The following PEAK1 variants were observed in gnomAD, a reference collection of about 807,000 sequenced individuals.
The protein encoded by PEAK1 is inactive tyrosine-protein kinase PEAK1.
PEAK1 carries 54 observed loss-of-function variants against 124.7 expected under a neutral mutation model. The observed-to-expected ratio is 0.43, with a 90% CI of 0.35 to 0.54. PEAK1 has a LOEUF of 0.54. PEAK1 is among the 20% of genes least tolerant of loss of function. PEAK1 has a pLI of 0.01. For missense variants in PEAK1, 2,046 were observed against 2,134.5 expected (o/e 0.96, Z 0.82); for synonymous variants, 719 against 760.0 (o/e 0.95, Z 0.89).
chr15:77,147,750 C>T (rs2054275618), intron 8 of PEAK1, among the ~76,000 whole-genome samples: 1 of 152,074 alleles, frequency 6.6e-6, no homozygotes, highest in African/African-American at 2.4e-5. Context: ...TGAGGGGCAA[C>T]CTTCTTAAGT....
intron 9 of PEAK1, among the ~76,000 whole-genome samples, chr15:77,118,128 C>T (rs992451443): frequency 4.6e-5 from 7 of 152,106 alleles, no homozygotes; most frequent in African/African-American, 1.4e-4. Context: ...TTTTATAATA[C>T]ATAGACAGGT....
chr15:77,398,484 C>T (rs921145585), intron 1 of PEAK1, among the ~76,000 whole-genome samples: 1 of 152,122 alleles, frequency 6.6e-6, no homozygotes, highest in African/African-American at 2.4e-5. Flanking sequence ...CAATGTGATA[C>T]ACCATATTAA....
In PEAK1 at chr15:77,286,242, G is replaced by C. The variant is rs571710487; in HGVS notation, c.-521+181C>G. ...GGTCTCAGAGACTGTTATGATTTCT[G>C]TTCTTTTGCATTAGTTGCAAATAGT... On this transcript the variant is annotated intron_variant, in intron 3 of 9. Coordinates refer to ENST00000682557, the MANE Select transcript of PEAK1 (RefSeq NM_001385026.1). Among the ~76,000 whole-genome samples, 12 of 152,232 alleles carry C rather than the reference G, an allele frequency of 7.9e-5. No individual in the cohort carries two copies. In the South Asian group the frequency reaches 2.5e-3, roughly 32 times the overall value.
intron 6 of PEAK1, among the ~76,000 whole-genome samples, chr15:77,233,009 A>C (rs1389626865): frequency 6.6e-6 from 1 of 152,130 alleles, no homozygotes; most frequent in Non-Finnish European, 1.5e-5. Context: ...GGCCTCCCAA[A>C]GTACTGGGAT....
At chr15:77,173,800 G>C (rs2056670866) in intron 7 of PEAK1, among the ~76,000 whole-genome samples, 1 of 152,104 alleles carries the variant, frequency 6.6e-6, no homozygotes, top group East Asian at 1.9e-4. Context: ...GTCTTTCCCA[G>C]CCAGCTGGCA....
At chr15:77,393,320 C>G (rs1342461353) in intron 1 of PEAK1, among the ~76,000 whole-genome samples, 1 of 152,206 alleles carries the variant, frequency 6.6e-6, no homozygotes, top group Non-Finnish European at 1.5e-5. Context: ...TTGAACTCCA[C>G]TCCCCACACT....
intron 6 of PEAK1, among the ~76,000 whole-genome samples, chr15:77,189,825 G>C (rs532601967): frequency 2.4e-4 from 36 of 152,300 alleles, no homozygotes; most frequent in African/African-American, 8.7e-4. Flanking sequence ...CAACCTCAGA[G>C]CCAACTGCCA....
intron 5 of PEAK1, among the ~76,000 whole-genome samples, chr15:77,265,366 G>C (rs549321937): frequency 1.6e-4 from 25 of 152,078 alleles, no homozygotes; most frequent in African/African-American, 5.3e-4. Flanking sequence ...TCTGACAAAG[G>C]GCTAATATCC....
intron 2 of PEAK1, among the ~76,000 whole-genome samples, chr15:77,321,897 A>T (rs1284267453): frequency 6.6e-6 from 1 of 152,090 alleles, no homozygotes; most frequent in Non-Finnish European, 1.5e-5. Context: ...CTCTTCAGCA[A>T]ATGTAAAAGA....
chr15:77,418,924 G>A (rs1595899207), intron 1 of PEAK1: 1 of 985,364 alleles, frequency 1.0e-6, no homozygotes. Flanking sequence ...AGCTGTTCAC[G>A]TACATCATCC....
rs758721755 is a variant in PEAK1, at chr15:77,181,956, T to C, written c.-30A>G. Reference sequence around the variant, plus strand: ...AAAAATAGAACTTCACAGACAATGCTTTTCTTTCAGTGCATGACAAAACTT... The same window carrying C: ...AAAAATAGAACTTCACAGACAATGCCTTTCTTTCAGTGCATGACAAAACTT... On this transcript the variant is annotated 5_prime_UTR_variant, in exon 7 of 10. Coordinates refer to ENST00000682557, the MANE Select transcript of PEAK1 (RefSeq NM_001385026.1). The C allele has an allele frequency of 1.3e-6, 2 of 1,524,060 alleles. No individual in the cohort carries two copies. Among genetic ancestry groups the C allele is most frequent in the Non-Finnish European group, 1.8e-6 (2 of 1,138,806 alleles). 94.4% of individuals were successfully genotyped at this position (1,524,060 alleles called of 1,614,324 possible). A position where few individuals can be genotyped will look rare whatever the true frequency, so the allele number is the denominator to read the frequency against.
intron 9 of PEAK1, 58 bp from the exon 10 acceptor site, chr15:77,115,377 T>C: frequency 6.8e-7 from 1 of 1,463,218 alleles, no homozygotes; most frequent in African/African-American, 1.4e-5. Flanking sequence ...TTATGATGTA[T>C]CAGGGAAGAT....
intron 8 of PEAK1, among the ~76,000 whole-genome samples, chr15:77,150,721 T>A (rs933201708): frequency 4.1e-5 from 6 of 146,332 alleles, no homozygotes; most frequent in Admixed American, 1.4e-4. Flanking sequence ...GTCCATGTGT[T>A]CTCACTGGTC....
intron 6 of PEAK1, among the ~76,000 whole-genome samples, chr15:77,228,129 A>ATTC (rs2059758083): frequency 6.6e-6 from 1 of 151,828 alleles, no homozygotes; most frequent in Non-Finnish European, 1.5e-5. Context: ...TATTATTATT[A>ATTC]TTATACTATA....
At chr15:77,260,578 A>G (rs1285354932) in intron 5 of PEAK1, among the ~76,000 whole-genome samples, 8 of 152,218 alleles carry the variant, frequency 5.3e-5, no homozygotes, top group Admixed American at 5.2e-4. Flanking sequence ...AAAGAACCAA[A>G]AAATAACTTC....
In PEAK1 at chr15:77,114,662, G is replaced by C; in HGVS notation, c.4735C>G (p.Pro1579Ala). 1 of 1,613,778 alleles carries C rather than the reference G, an allele frequency of 6.2e-7. No homozygotes were observed. The highest frequency in any genetic ancestry group is 8.5e-7 in the Non-Finnish European group (1 of 1,179,990). ...TACTGGGTAGCTGTTATGATCTCTG[G>C]GGCAAGGCGAGACTGGTCCCGGAGG... is the stretch of plus-strand genomic sequence containing the variant. ...EILRDQSRLAPEIITATQYKK... is the reference protein window; with the variant it reads ...EILRDQSRLAAEIITATQYKK... Residue 1579 changes from proline to alanine, a missense_variant, in exon 10 of 10, where the codon CCA becomes GCA. Coordinates refer to ENST00000682557, the MANE Select transcript of PEAK1 (RefSeq NM_001385026.1).
intron 1 of PEAK1, among the ~76,000 whole-genome samples, chr15:77,377,672 G>C (rs1038180956): frequency 1.3e-5 from 2 of 152,050 alleles, no homozygotes; most frequent in African/African-American, 4.8e-5. Context: ...GTTTTACCAT[G>C]TTGGCCAGGC....
At chr15:77,103,507 G>A (rs1254322608), downstream of PEAK1, 1 of 152,198 alleles carries the variant, frequency 6.6e-6, no homozygotes, top group Non-Finnish European at 1.5e-5. Flanking sequence ...TTGTAAGAGA[G>A]TGGAACCCTA....
At chr15:77,262,515 C>T (rs1305335771) in intron 5 of PEAK1, among the ~76,000 whole-genome samples, 1 of 151,410 alleles carries the variant, frequency 6.6e-6, no homozygotes, top group African/African-American at 2.4e-5. Flanking sequence ...ACAAAGAGGG[C>T]CATTACATAA....
Sources: allele counts gnomAD v4.1 joint callset (sites outside exome capture counted in the v4.1 genomes callset), GRCh38; gene constraint gnomAD v4.1.1; transcripts MANE v1.5; gene names NCBI Gene and HGNC (gene_info 2026-07-23, HGNC 2026-07-21).